Variants in RBM5 observed in about 807,000 individuals in gnomAD.
RBM5 encodes RNA-binding protein 5.
RBM5 carries 15 observed loss-of-function variants against 124.6 expected under a neutral mutation model. That is an observed-to-expected ratio of 0.12 (90% confidence interval 0.08 to 0.19). The LOEUF is 0.19. Ranked by LOEUF, RBM5 falls within the 10% of genes least tolerant of loss-of-function variation. RBM5 has a pLI of 1.00. For synonymous variants in RBM5, 337 were observed against 361.2 expected (o/e 0.93, Z 0.76); for missense variants, 580 against 1,026.5 (o/e 0.57, Z 5.94).
intron 4 of RBM5, among the ~76,000 whole-genome samples, chr3:50,098,081 A>C (rs945251608): frequency 3.3e-5 from 5 of 152,168 alleles, no homozygotes; most frequent in African/African-American, 1.2e-4. Flanking sequence ...TGGGCAACAG[A>C]GTGAGACTCC....
Position 50,115,922 on chromosome 3 carries a change from A to C in RBM5, c.2036A>C (p.Tyr679Ser). ...TTTGTGTAGCAAAACATGGACATCT[A>C]TCGACGATCCAGGCTGAGCGAGCAG... is the stretch of plus-strand genomic sequence containing the variant. Reference protein sequence around the residue: ...SDLHKQNMDIYRRSRLSEQEL... With the variant: ...SDLHKQNMDISRRSRLSEQEL... Residue 679 changes from tyrosine to serine, a missense_variant, in exon 22 of 25, where the codon TAT becomes TCT. Coordinates refer to ENST00000347869, the MANE Select transcript of RBM5 (RefSeq NM_005778.4). The C allele has an allele frequency of 6.2e-7, 1 of 1,613,610 alleles. No homozygotes were observed. The highest frequency in any genetic ancestry group is 8.5e-7 in the Non-Finnish European group (1 of 1,179,528).
chr3:50,108,185 C>A, intron 13 of RBM5, 38 bp downstream of exon 13: 2 of 1,601,204 alleles, frequency 1.2e-6, no homozygotes, highest in Non-Finnish European at 1.7e-6. Context: ...TATAGTCTTG[C>A]AGAGTGTGTC....
chr3:50,095,178 G>A (rs531667586), intron 4 of RBM5, among the ~76,000 whole-genome samples: 23 of 152,268 alleles, frequency 1.5e-4, no homozygotes, highest in African/African-American at 5.5e-4. Flanking sequence ...TCCAGCCTGG[G>A]TGACAGAACA....
intron 17 of RBM5, chr3:50,112,607 T>A (rs2091168939): frequency 6.6e-6 from 1 of 152,262 alleles, no homozygotes; most frequent in Admixed American, 6.6e-5. Flanking sequence ...CACCAACACC[T>A]CCTTCCAGCT....
At chr3:50,108,792 G>A (rs73080947) in intron 14 of RBM5, among the ~76,000 whole-genome samples, 10 of 152,254 alleles carry the variant, frequency 6.6e-5, no homozygotes, top group East Asian at 1.9e-4. Flanking sequence ...GGTTATTTGT[G>A]TACACCAGGA....
chr3:50,103,314 A>G (rs2090975085), intron 7 of RBM5, 148 bp downstream of exon 7: 1 of 674,442 alleles, frequency 1.5e-6, no homozygotes, highest in Non-Finnish European at 2.6e-6. Context: ...GTCCTCCTAC[A>G]CTGGTATTAG....
chr3:50,107,353 C>T, intron 11 of RBM5, 129 bp from the exon 12 acceptor site: 1 of 727,250 alleles, frequency 1.4e-6, no homozygotes, highest in Admixed American at 2.1e-5. Context: ...AGAGCCCTCC[C>T]CCTGTGAAAT....
In RBM5 at chr3:50,118,537, AG is replaced by A; in HGVS notation, c.*84del. 6.5e-7 allele frequency: 1 copy of A among 1,529,350 alleles called. No individual in the cohort carries two copies. Among genetic ancestry groups the A allele is most frequent in the African/African-American group, 1.4e-5 (1 of 73,202 alleles). The allele number at this position is 1,529,350 out of a possible 1,614,324, so 94.7% of individuals were successfully genotyped here. Reference sequence around the variant, plus strand: ...TTCGCTGTTACCGCCTGTCTCTTTAAGGGCATGCCTTGTGCTGTTAATAGAT... The same window carrying A: ...TTCGCTGTTACCGCCTGTCTCTTTAAGGCATGCCTTGTGCTGTTAATAGAT... On this transcript the variant is annotated 3_prime_UTR_variant, in exon 25 of 25. Coordinates refer to ENST00000347869, the MANE Select transcript of RBM5 (RefSeq NM_005778.4).
At chr3:50,112,407 C>A in intron 17 of RBM5, among the ~76,000 whole-genome samples, 1 of 102,400 alleles carries the variant, frequency 9.8e-6, no homozygotes. Flanking sequence ...CGGAGCGAGA[C>A]TCTGTCTAAA....
rs373110436 is a variant in RBM5, at chr3:50,106,721, A to G, written c.856-46A>G. On this transcript the variant is annotated intron_variant, in intron 10 of 24. Coordinates refer to ENST00000347869, the MANE Select transcript of RBM5 (RefSeq NM_005778.4). ...TGAATGGGGTGGATGGTAGGGAGAG[A>G]TTTTTAATTGCATTACACGTTTTTT... 45 of 1,387,058 alleles carry G rather than the reference A, an allele frequency of 3.2e-5. No individual in the cohort carries two copies. The African/African-American group carries it at 5.7e-4, about 18-fold the overall frequency. 85.9% of individuals were successfully genotyped at this position (1,387,058 alleles called of 1,614,324 possible).
intron 4 of RBM5, chr3:50,094,466 A>G (rs1262802199): frequency 6.6e-6 from 1 of 152,030 alleles, no homozygotes; most frequent in African/African-American, 2.4e-5. Flanking sequence ...ACACAAAACA[A>G]TGTGTGCTTT....
At chr3:50,103,478 C>T (rs932004379) in intron 7 of RBM5, among the ~76,000 whole-genome samples, 1 of 152,124 alleles carries the variant, frequency 6.6e-6, no homozygotes, top group African/African-American at 2.4e-5. Flanking sequence ...AAAACCCCGT[C>T]TCTACTAAAA....
Position 50,115,724 on chromosome 3 carries a change from A to G in RBM5, c.2019+117A>G, listed in dbSNP as rs1316967528. The stretch of plus-strand genomic sequence containing the variant: ...TGCCATCTAATGATGGCCTTACAGA[A>G]AGCTGTTCCCGATGACAGTGGACGG... On this transcript the variant is annotated intron_variant, in intron 21 of 24. Coordinates refer to ENST00000347869, the MANE Select transcript of RBM5 (RefSeq NM_005778.4). The G allele has an allele frequency of 4.5e-6, 6 of 1,321,982 alleles. No homozygotes were observed. In the South Asian group the frequency reaches 7.0e-5, roughly 15 times the overall value. 81.9% of individuals were successfully genotyped at this position (1,321,982 alleles called of 1,614,324 possible). A position where few individuals can be genotyped will look rare whatever the true frequency, so the allele number is the denominator to read the frequency against.
Position 50,100,096 on chromosome 3 carries a change from T to G in RBM5, c.409+45T>G. 6.5e-7 allele frequency: 1 copy of G among 1,545,538 alleles called. No individual in the cohort carries two copies. The highest frequency in any genetic ancestry group is 1.1e-5 in the South Asian group (1 of 87,304). ...CTGATATTATTGTTCTCTTCCCCAT[T>G]CCCACCTCAGTCCCTAAAGAACATC... On this transcript the variant is annotated intron_variant, in intron 5 of 24. Transcript: ENST00000347869. The surrounding 1 kb of genome is among the most constrained non-coding windows in gnomAD (Gnocchi z 5.1).
rs2091272496 is a variant in RBM5 at position 50,117,364 on chromosome 3, T to C, written c.2307T>C (p.Ile769=). The C allele has an allele frequency of 6.2e-7, 1 of 1,614,096 alleles. No individual in the cohort carries two copies. The highest frequency in any genetic ancestry group is 8.5e-7 in the Non-Finnish European group (1 of 1,180,034). Residue 769 remains isoleucine, a synonymous_variant, in exon 24 of 25, where the codon ATT becomes ATC. Coordinates refer to ENST00000347869, the MANE Select transcript of RBM5 (RefSeq NM_005778.4). The surrounding 1 kb of genome is among the most constrained non-coding windows in gnomAD (Gnocchi z 4.2). ...GCTTGGGACGAAAGTGTCAAGGCATTACGGCTCCCATTGAGGTAAGCAGTG... is the reference window on the plus strand; with the variant it reads ...GCTTGGGACGAAAGTGTCAAGGCATCACGGCTCCCATTGAGGTAAGCAGTG... ...GSGLGRKCQG[I]TAPIEAQVRL...
Position 50,115,514 on chromosome 3 carries a change from T to C in RBM5, c.1926T>C (p.Ala642=), listed in dbSNP as rs80289519. ...ERLESEEEKL[A]DWKKMACLLC... is the part of the protein sequence containing the mutation. ...TTGAGAGTGAGGAAGAGAAGCTAGC[T>C]GACTGGAAGAAGATGGCCTGTCTGC... Residue 642 remains alanine, a synonymous_variant, in exon 21 of 25, where the codon GCT becomes GCC. Transcript: ENST00000347869. The C allele has an allele frequency of 2.9e-4, 473 of 1,614,040 alleles. 1 individual carries two copies. The highest frequency in any genetic ancestry group is 1.7e-3 in the Admixed American group (99 of 59,970).
chr3:50,094,101 T>C (rs1208519470), intron 4 of RBM5: 5 of 434,668 alleles, frequency 1.2e-5, no homozygotes, highest in Admixed American at 6.8e-5. Flanking sequence ...AATTCATTTG[T>C]ATTTTGTATA....
chr3:50,107,141 G>C (rs2091048247), intron 11 of RBM5: 1 of 664,796 alleles, frequency 1.5e-6, no homozygotes. Flanking sequence ...CAGCAGTATA[G>C]TGCTAACCCA....
In RBM5 at chr3:50,110,688, A is replaced by C; in HGVS notation, c.1373A>C (p.Asp458Ala). The change falls in exon 17 of 25, where the codon GAC becomes GCC. Residue 458 changes from aspartate (D) to alanine (A), a missense_variant. Coordinates refer to ENST00000347869, the MANE Select transcript of RBM5 (RefSeq NM_005778.4). ...GATTTTGTTTTTGCAGCAGTACCTGACACGTCCACTTACCAGTATGATGAA... is the reference window on the plus strand; with the variant it reads ...GATTTTGTTTTTGCAGCAGTACCTGCCACGTCCACTTACCAGTATGATGAA... ...VVPGTKYAVP[D>A]TSTYQYDESS... is the part of the protein sequence containing the mutation. The C allele has an allele frequency of 6.2e-7, 1 of 1,612,808 alleles. No individual in the cohort carries two copies. Among genetic ancestry groups the C allele is most frequent in the Non-Finnish European group, 8.5e-7 (1 of 1,179,174 alleles).
Sources: gnomAD v4.1 joint callset for allele counts (sites outside exome capture counted in the v4.1 genomes callset) on GRCh38, gnomAD v4.1.1 for gene constraint, Gnocchi (gnomAD v3.1) non-coding constraint, MANE v1.5 for transcripts, NCBI Gene and HGNC (gene_info 2026-07-23, HGNC 2026-07-21) for gene names.